YAP1: variants seen among roughly 807,000 people sequenced by gnomAD.
YAP1 encodes transcriptional coactivator YAP1.
In YAP1, 5 loss-of-function variants were observed where a neutral mutation model predicts 56.9. The ratio of observed to expected loss-of-function variants is 0.09; its 90% CI spans 0.05 to 0.18. The LOEUF (loss-of-function observed/expected upper bound fraction) is 0.18. Ranked by LOEUF, YAP1 falls within the 10% of genes least tolerant of loss-of-function variation. The pLI is 1.00. For missense variants in YAP1, 539 were observed against 651.8 expected (o/e 0.83, Z 1.88); for synonymous variants, 265 against 248.1 (o/e 1.07, Z -0.64).
chr11:102,220,342 G>A lies in YAP1; in HGVS notation c.1033-3280G>A, dbSNP rs371952955. ...AACAAAACAAAAAAACCAATAAGTG[G>A]TACTAGGGTCCATCCAAAACCAAAG... On this transcript the variant is annotated intron_variant, in intron 6 of 8. Coordinates refer to ENST00000282441, the MANE Select transcript of YAP1 (RefSeq NM_001130145.3). 2.6e-4 allele frequency among the ~76,000 whole-genome samples: 40 copies of A among 152,208 alleles called. 1 individual carries two copies. In the South Asian group the frequency reaches 7.9e-3, roughly 30 times the overall value.
rs151257539 is a variant in YAP1 at position 102,219,227 on chromosome 11, T to C, written c.1033-4395T>C. On this transcript the variant is annotated intron_variant, in intron 6 of 8. Transcript: ENST00000282441. ...ATTCATTTTAAAGTTTATTGTTAAA[T>C]ACATCCTCATATTTTAAGAGCAAAA... is the stretch of plus-strand genomic sequence containing the variant. Among the ~76,000 whole-genome samples the C allele has an allele frequency of 6.9e-4, 105 of 152,352 alleles. 1 individual carries two copies. The highest frequency in any genetic ancestry group is 2.3e-3 in the African/African-American group (95 of 41,590).
intron 2 of YAP1, among the ~76,000 whole-genome samples, chr11:102,147,157 C>T (rs1010246838): frequency 1.3e-5 from 2 of 152,160 alleles, no homozygotes; most frequent in African/African-American, 4.8e-5. Context: ...GTTAATCTGG[C>T]ACCAAAGTCC....
chr11:102,162,346 A>C, intron 2 of YAP1, 110 bp from the exon 3 acceptor site: 1 of 837,090 alleles, frequency 1.2e-6, no homozygotes, highest in South Asian at 1.6e-5. Flanking sequence ...GCTGTGACTT[A>C]ATGCTTTTAC....
intron 8 of YAP1, among the ~76,000 whole-genome samples, chr11:102,228,650 A>G (rs983119078): frequency 1.3e-5 from 2 of 149,640 alleles, no homozygotes; most frequent in Non-Finnish European, 3.0e-5. Context: ...AAAAAAAAAA[A>G]AAAAAAAAAA....
intron 3 of YAP1, among the ~76,000 whole-genome samples, chr11:102,165,822 C>T (rs527280587): frequency 4.6e-5 from 7 of 152,162 alleles, no homozygotes; most frequent in Middle Eastern, 3.4e-3. Context: ...AAAGCAGAAG[C>T]GACAAGGAAC....
intron 2 of YAP1, among the ~76,000 whole-genome samples, chr11:102,119,475 A>G (rs1943515796): frequency 6.6e-6 from 1 of 152,092 alleles, no homozygotes; most frequent in Non-Finnish European, 1.5e-5. Flanking sequence ...AGAATTCTAG[A>G]ACTATCTCTG....
intron 1 of YAP1, among the ~76,000 whole-genome samples, chr11:102,111,588 C>T (rs1022254690): frequency 4.0e-5 from 6 of 151,540 alleles, no homozygotes; most frequent in Non-Finnish European, 8.9e-5. Flanking sequence ...CACCTTCGCT[C>T]CCGCCGGGCC....
intron 3 of YAP1, among the ~76,000 whole-genome samples, chr11:102,165,163 C>T (rs1421505545): frequency 6.6e-6 from 1 of 150,912 alleles, no homozygotes; most frequent in Admixed American, 6.6e-5. Flanking sequence ...GTTTGAGACC[C>T]GCCTGGGAAA....
At chr11:102,112,717 G>A in intron 1 of YAP1, 1 of 985,266 alleles carries the variant, frequency 1.0e-6, no homozygotes, top group Non-Finnish European at 1.2e-6. Context: ...CAATTTAGCT[G>A]CTTGCCTAAA....
Position 102,162,463 on chromosome 11 carries a change from G to C in YAP1, c.580G>C (p.Asp194His), listed in dbSNP as rs750561016. The change falls in exon 3 of 9, where the codon GAT becomes CAT. Residue 194 changes from aspartate to histidine, a missense_variant. Around this residue, in one of 4 missense-constraint regions of YAP1, gnomAD observed 414 missense variants for 512.4 expected, o/e 0.81. Coordinates refer to ENST00000282441, the MANE Select transcript of YAP1 (RefSeq NM_001130145.3). ...TGGTTTGTTTTGTCTTAGTCACATCGATCAGACAACAACATGGCAGGACCC... is the reference window on the plus strand; with the variant it reads ...TGGTTTGTTTTGTCTTAGTCACATCCATCAGACAACAACATGGCAGGACCC... ...SGQRYFLNHI[D>H]QTTTWQDPRK... 1 of 1,613,898 alleles carries C rather than the reference G, an allele frequency of 6.2e-7. No individual in the cohort carries two copies. Among genetic ancestry groups the C allele is most frequent in the Non-Finnish European group, 8.5e-7 (1 of 1,179,826 alleles).
At chr11:102,160,652 G>A (rs1202857161) in intron 2 of YAP1, among the ~76,000 whole-genome samples, 1 of 151,754 alleles carries the variant, frequency 6.6e-6, no homozygotes, top group Non-Finnish European at 1.5e-5. Context: ...TCCCAAGCCA[G>A]AAGCTAAAAG....
At chr11:102,159,931 A>G (rs1427522906) in intron 2 of YAP1, among the ~76,000 whole-genome samples, 1 of 152,094 alleles carries the variant, frequency 6.6e-6, no homozygotes, top group Non-Finnish European at 1.5e-5. Context: ...GAGGAAGAGT[A>G]GCGTCAAGAA....
At chr11:102,182,802 T>C (rs1204793165) in intron 3 of YAP1, among the ~76,000 whole-genome samples, 1 of 150,844 alleles carries the variant, frequency 6.6e-6, no homozygotes, top group African/African-American at 2.5e-5. Context: ...GCCATCTCTT[T>C]CCATATAACA....
At chr11:102,200,534 C>G (rs1948798299) in intron 4 of YAP1, among the ~76,000 whole-genome samples, 1 of 150,878 alleles carries the variant, frequency 6.6e-6, no homozygotes, top group Non-Finnish European at 1.5e-5. Context: ...AACCTCTGCC[C>G]CCCGTGTTCA....
intron 2 of YAP1, among the ~76,000 whole-genome samples, chr11:102,124,544 T>G (rs1302502942): frequency 1.3e-5 from 2 of 152,192 alleles, no homozygotes; most frequent in Non-Finnish European, 2.9e-5. Flanking sequence ...TTTCTTTCAT[T>G]AGTTCCCGGG....
intron 4 of YAP1, among the ~76,000 whole-genome samples, chr11:102,191,690 C>CT: frequency 6.6e-6 from 1 of 151,912 alleles, no homozygotes; most frequent in South Asian, 2.1e-4. Flanking sequence ...TTGTTTCTTT[C>CT]TTTTTTGGAG....
chr11:102,230,784 G>T lies in YAP1; in HGVS notation c.*844G>T, dbSNP rs1950411563. ...ATAGTTGTAGCTTGGGATGGTTATT[G>T]TAGTTGTTTTGGTAAAATCTTCATT... On this transcript the variant is annotated 3_prime_UTR_variant, in exon 9 of 9. Coordinates refer to ENST00000282441, the MANE Select transcript of YAP1 (RefSeq NM_001130145.3). 1 of 152,390 alleles carries T rather than the reference G, an allele frequency of 6.6e-6. No homozygotes were observed. The highest frequency in any genetic ancestry group is 2.1e-4 in the South Asian group (1 of 4,826). 9.4% of individuals were successfully genotyped at this position (152,390 alleles called of 1,614,324 possible). A position where few individuals can be genotyped will look rare whatever the true frequency, so the allele number is the denominator to read the frequency against.
intron 4 of YAP1, among the ~76,000 whole-genome samples, chr11:102,205,155 A>AT (rs11436634): frequency 0.58 from 86,394 of 148,504 alleles, 26,076 homozygotes; most frequent in South Asian, 0.72. Flanking sequence ...TCAAAAAAAA[A>AT]TTTTTTTTTT....
chr11:102,161,412 ATACT>A lies in YAP1; in HGVS notation c.573-1043_573-1040del, dbSNP rs1458676268. Among the ~76,000 whole-genome samples the A allele has an allele frequency of 6.6e-5, 10 of 151,634 alleles. No homozygotes were observed. In the East Asian group the frequency reaches 1.2e-3, roughly 18 times the overall value. On this transcript the variant is annotated intron_variant, in intron 2 of 8. Transcript: ENST00000282441. Reference sequence around the variant, plus strand: ...CTAAACAATTAGCCTTGTCCAATACATACTGTTTTATAACCTATTTTTAAAAACT... The same window carrying A: ...CTAAACAATTAGCCTTGTCCAATACAGTTTTATAACCTATTTTTAAAAACT...
Sources: gnomAD v4.1 joint callset for allele counts (sites outside exome capture counted in the v4.1 genomes callset) on GRCh38, gnomAD v4.1.1 for gene constraint, gnomAD v4.1.1 regional missense constraint, MANE v1.5 for transcripts, NCBI Gene and HGNC (gene_info 2026-07-23, HGNC 2026-07-21) for gene names.